Variants in ABCC11 observed in about 807,000 individuals in gnomAD.
ABCC11 encodes the protein ATP-binding cassette sub-family C member 11.
A neutral mutation model predicts 149.3 loss-of-function variants in ABCC11; 135 were observed. The ratio of observed to expected loss-of-function variants is 0.90; its 90% CI spans 0.79 to 1.04. The LOEUF (loss-of-function observed/expected upper bound fraction) is 1.04. Among genes scored for constraint, ABCC11 ranks in the 50% least tolerant of loss-of-function variants. The pLI is 0.00. For synonymous variants in ABCC11, 665 were observed against 671.4 expected (o/e 0.99, Z 0.15); for missense variants, 1,680 against 1,722.1 (o/e 0.98, Z 0.43).
chr16:48,228,669 A>G (rs766206362), intron 3 of ABCC11, among the ~76,000 whole-genome samples: 37 of 152,322 alleles, frequency 2.4e-4, no homozygotes, highest in African/African-American at 7.0e-4. Context: ...CAGACAAAAC[A>G]GTATGTACAT....
At chr16:48,201,893 G>T (rs2150825415) in intron 14 of ABCC11, among the ~76,000 whole-genome samples, 1 of 152,340 alleles carries the variant, frequency 6.6e-6, no homozygotes, top group South Asian at 2.1e-4. Context: ...GTGGGAGCTG[G>T]AGTGTAAGTC....
At chr16:48,177,678 T>C (rs997449953) in intron 24 of ABCC11, among the ~76,000 whole-genome samples, 1 of 152,202 alleles carries the variant, frequency 6.6e-6, no homozygotes, top group African/African-American at 2.4e-5. Flanking sequence ...CAGTTGTGTG[T>C]GTTGAGAGGA....
chr16:48,187,109 T>C lies in ABCC11; in HGVS notation c.2934-19A>G. Reference sequence around the variant, plus strand: ...GAACATCCTGCATGGACAGTGGAGGTAAGGGACCTGGACCGTCCACCTCTG... The same window carrying C: ...GAACATCCTGCATGGACAGTGGAGGCAAGGGACCTGGACCGTCCACCTCTG... On this transcript the variant is annotated intron_variant, in intron 21 of 29. Coordinates refer to ENST00000356608, the MANE Select transcript of ABCC11 (RefSeq NM_001370497.1). 6.2e-7 allele frequency: 1 copy of C among 1,614,038 alleles called. No individual in the cohort carries two copies. Among genetic ancestry groups the C allele is most frequent in the South Asian group, 1.1e-5 (1 of 91,072 alleles).
chr16:48,219,806 C>T (rs1428101831), intron 6 of ABCC11, among the ~76,000 whole-genome samples: 2 of 151,952 alleles, frequency 1.3e-5, no homozygotes, highest in South Asian at 2.1e-4. Context: ...CATGGTGAAA[C>T]CCCGTCTCTA....
intron 1 of ABCC11, among the ~76,000 whole-genome samples, chr16:48,240,219 G>A (rs1328540179): frequency 6.6e-6 from 1 of 152,142 alleles, no homozygotes; most frequent in African/African-American, 2.4e-5. Flanking sequence ...AAAGGTACAT[G>A]CACACGTATG....
In ABCC11 at chr16:48,175,352, C is replaced by T; in HGVS notation, c.3604G>A (p.Asp1202Asn). The T allele has an allele frequency of 3.7e-6, 6 of 1,614,122 alleles. No homozygotes were observed. Among genetic ancestry groups the T allele is most frequent in the Non-Finnish European group, 4.2e-6 (5 of 1,179,954 alleles). Reference protein sequence around the residue: ...VEPMAGRILIDGVDICSIGLE... With the variant: ...VEPMAGRILINGVDICSIGLE... ...CCGATGCTGCAAATGTCCACGCCGTCAATGAGAATCCGGCCTGCCATGGGC... is the reference window on the plus strand; with the variant it reads ...CCGATGCTGCAAATGTCCACGCCGTTAATGAGAATCCGGCCTGCCATGGGC... The change falls in exon 26 of 30, where the codon GAC becomes AAC. Residue 1202 changes from aspartate (D) to asparagine (N), a missense_variant. Transcript: ENST00000356608.
intron 1 of ABCC11, among the ~76,000 whole-genome samples, chr16:48,241,425 C>G (rs940093366): frequency 6.6e-6 from 1 of 152,162 alleles, no homozygotes; most frequent in Non-Finnish European, 1.5e-5. Context: ...ACATTCCATG[C>G]TCATGGATAG....
chr16:48,185,887 T>C (rs1966718840), intron 22 of ABCC11, among the ~76,000 whole-genome samples: 1 of 152,174 alleles, frequency 6.6e-6, no homozygotes, highest in Admixed American at 6.5e-5. Flanking sequence ...CCCCATCTCA[T>C]GGTCTTTGCA....
At chr16:48,173,718 G>A (rs1476953460) in intron 26 of ABCC11, among the ~76,000 whole-genome samples, 1 of 152,108 alleles carries the variant, frequency 6.6e-6, no homozygotes, top group Non-Finnish European at 1.5e-5. Context: ...TCCACCTCCC[G>A]GGCTCATGCG....
At chr16:48,193,856 C>A (rs1377003412) in intron 19 of ABCC11, 23 bp downstream of exon 19, 2 of 1,589,682 alleles carry the variant, frequency 1.3e-6, no homozygotes, top group Non-Finnish European at 1.7e-6. Flanking sequence ...AGAAACACAG[C>A]CCATCCACCT....
intron 1 of ABCC11, among the ~76,000 whole-genome samples, chr16:48,240,098 T>C (rs974452568): frequency 6.6e-6 from 1 of 152,250 alleles, no homozygotes; most frequent in East Asian, 1.9e-4. Context: ...AGTTTGACCA[T>C]TGCGGAAGAC....
chr16:48,191,406 C>A (rs1263022879), intron 20 of ABCC11, among the ~76,000 whole-genome samples: 1 of 152,054 alleles, frequency 6.6e-6, no homozygotes, highest in Non-Finnish European at 1.5e-5. Context: ...TGGTGGTGTG[C>A]CCCTGTGGTC....
At chr16:48,227,738 C>G in intron 4 of ABCC11, 68 bp downstream of exon 4, 1 of 1,603,516 alleles carries the variant, frequency 6.2e-7, no homozygotes, top group Admixed American at 1.7e-5. Flanking sequence ...CCTTAGGCAT[C>G]TCTGGTCATT....
At chr16:48,184,674 G>T in intron 22 of ABCC11, 48 bp from the exon 23 acceptor site, 1 of 1,573,128 alleles carries the variant, frequency 6.4e-7, no homozygotes, top group Non-Finnish European at 8.7e-7. Flanking sequence ...TCTGACCTAG[G>T]GTCTCCCCGG....
intron 21 of ABCC11, 43 bp downstream of exon 21, chr16:48,187,158 C>T (rs370716853): frequency 6.2e-7 from 1 of 1,613,496 alleles, no homozygotes; most frequent in Middle Eastern, 1.6e-4. Flanking sequence ...TGGGTTGGTC[C>T]CAGCCTTGCT....
chr16:48,192,398 T>G, intron 20 of ABCC11, 122 bp downstream of exon 20: 1 of 1,086,548 alleles, frequency 9.2e-7, no homozygotes, highest in African/African-American at 1.6e-5. Context: ...GAGTGGAGAT[T>G]GTGCCACTGC....
At chr16:48,177,207 AC>A in intron 24 of ABCC11, 94 bp from the exon 25 acceptor site, 1 of 1,302,080 alleles carries the variant, frequency 7.7e-7, no homozygotes, top group Non-Finnish European at 1.0e-6. Flanking sequence ...AGGGGGTGTG[AC>A]CCACCCCAGC....
At chr16:48,200,553 T>A in intron 14 of ABCC11, 74 bp from the exon 15 acceptor site, 3 of 1,482,878 alleles carry the variant, frequency 2.0e-6, no homozygotes, top group Non-Finnish European at 2.8e-6. Flanking sequence ...GGTAGGCAGA[T>A]GTAGCAGACA....
rs942774388 is a variant in ABCC11, at chr16:48,166,351, T to C, written c.*923A>G. ...GTGAACCTGGAGCTGCAGGCAACCA[T>C]ATTGCCACCATGAGGCAAGAGGAAG... On this transcript the variant is annotated 3_prime_UTR_variant, in exon 30 of 30. Transcript: ENST00000356608. 2.6e-5 allele frequency among the ~76,000 whole-genome samples: 4 copies of C among 152,108 alleles called. No individual in the cohort carries two copies. Among genetic ancestry groups the C allele is most frequent in the African/African-American group, 9.7e-5 (4 of 41,408 alleles).
Sources: allele counts gnomAD v4.1 joint callset (sites outside exome capture counted in the v4.1 genomes callset), GRCh38; gene constraint gnomAD v4.1.1; transcripts MANE v1.5; gene names NCBI Gene and HGNC (gene_info 2026-07-23, HGNC 2026-07-21).